SRBD1: variants seen among roughly 807,000 people sequenced by gnomAD.
SRBD1 encodes the protein S1 RNA-binding domain-containing protein 1.
In SRBD1, 88 loss-of-function variants were observed where a neutral mutation model predicts 115.3. The observed-to-expected ratio is 0.76, with a 90% CI of 0.64 to 0.91. SRBD1 has a LOEUF of 0.91. SRBD1 is among the 40% of genes least tolerant of loss of function. SRBD1 has a pLI of 0.00. For synonymous variants in SRBD1, 509 were observed against 407.7 expected (o/e 1.25, Z -2.99); for missense variants, 1,385 against 1,177.4 (o/e 1.18, Z -2.58).
intron 17 of SRBD1, among the ~76,000 whole-genome samples, chr2:45,418,864 T>A (rs1306504963): frequency 6.6e-5 from 10 of 152,202 alleles, no homozygotes; most frequent in African/African-American, 2.4e-4. Context: ...TGTTTCTGGA[T>A]AAAGTAATAA....
chr2:45,596,299 G>A (rs1413516031), intron 4 of SRBD1, among the ~76,000 whole-genome samples: 3 of 152,048 alleles, frequency 2.0e-5, no homozygotes, highest in African/African-American at 7.3e-5. Context: ...CCTTTCTCTT[G>A]GAATGTATTT....
intron 14 of SRBD1, among the ~76,000 whole-genome samples, chr2:45,530,086 T>A (rs1390304473): frequency 6.6e-6 from 1 of 151,980 alleles, no homozygotes; most frequent in African/African-American, 2.4e-5. Context: ...TCTTATGTAG[T>A]CCTAGATTGA....
chr2:45,414,676 G>A (rs1667726731), intron 18 of SRBD1, among the ~76,000 whole-genome samples: 1 of 149,376 alleles, frequency 6.7e-6, no homozygotes. Context: ...AGTGTATATA[G>A]TATGTATATA....
intron 16 of SRBD1, among the ~76,000 whole-genome samples, chr2:45,424,716 C>T (rs558096831): frequency 9.2e-5 from 14 of 151,948 alleles, no homozygotes; most frequent in Admixed American, 2.6e-4. Flanking sequence ...CTCGTCATGA[C>T]GAAGTAAAAT....
intron 10 of SRBD1, 82 bp downstream of exon 10, chr2:45,562,571 T>C (rs1672701961): frequency 9.1e-7 from 1 of 1,096,704 alleles, no homozygotes; most frequent in African/African-American, 1.6e-5. Context: ...AATAGACATC[T>C]TTACATATCA....
intron 14 of SRBD1, among the ~76,000 whole-genome samples, chr2:45,525,039 A>G (rs1671399554): frequency 6.6e-6 from 1 of 151,994 alleles, no homozygotes; most frequent in Non-Finnish European, 1.5e-5. Flanking sequence ...CAATGGGTAA[A>G]GAACAGTCTT....
At chr2:45,414,701 G>A (rs903345611) in intron 18 of SRBD1, among the ~76,000 whole-genome samples, 1 of 146,218 alleles carries the variant, frequency 6.8e-6, no homozygotes, top group Non-Finnish European at 1.5e-5. Flanking sequence ...CACACATAGT[G>A]TGTATATAGT....
chr2:45,395,337 C>T (rs1318827693), intron 19 of SRBD1, among the ~76,000 whole-genome samples: 4 of 152,136 alleles, frequency 2.6e-5, no homozygotes, highest in Non-Finnish European at 5.9e-5. Flanking sequence ...CTGTATGAGT[C>T]TATCTTAAGG....
At chr2:45,508,190 G>C (rs1489659375) in intron 14 of SRBD1, among the ~76,000 whole-genome samples, 1 of 152,116 alleles carries the variant, frequency 6.6e-6, no homozygotes, top group Non-Finnish European at 1.5e-5. Flanking sequence ...TTAGAAGAAA[G>C]CTAAAGCTGT....
Position 45,393,875 on chromosome 2 carries a change from A to G in SRBD1, c.2514-746T>C, listed in dbSNP as rs563094672. Among the ~76,000 whole-genome samples, 297 of 152,300 alleles carry G rather than the reference A, an allele frequency of 2.0e-3. 1 individual carries two copies. Among genetic ancestry groups the G allele is most frequent in the African/African-American group, 7.0e-3 (290 of 41,552 alleles). The stretch of plus-strand genomic sequence containing the variant: ...CAGCTTTTGAAAAATGAATTACTCT[A>G]TTCATGTGTCCTATCACTGCTTTTT... On this transcript the variant is annotated intron_variant, in intron 19 of 20. Transcript: ENST00000263736.
chr2:45,566,364 A>G (rs1311848243), intron 9 of SRBD1, among the ~76,000 whole-genome samples: 1 of 152,248 alleles, frequency 6.6e-6, no homozygotes, highest in African/African-American at 2.4e-5. Flanking sequence ...ATAATGTAAT[A>G]TTACGTAGCA....
At chr2:45,513,124 C>T (rs1671018324) in intron 14 of SRBD1, among the ~76,000 whole-genome samples, 1 of 152,152 alleles carries the variant, frequency 6.6e-6, no homozygotes, top group Non-Finnish European at 1.5e-5. Context: ...GAAACTCTTT[C>T]CTTCCTGGCC....
At chr2:45,433,208 G>A (rs1484248595) in intron 16 of SRBD1, among the ~76,000 whole-genome samples, 3 of 152,138 alleles carry the variant, frequency 2.0e-5, no homozygotes, top group Non-Finnish European at 4.4e-5. Flanking sequence ...AAGCTTTACA[G>A]GTGCTCGGTC....
chr2:45,516,968 T>C (rs532090623), intron 14 of SRBD1, among the ~76,000 whole-genome samples: 2 of 152,214 alleles, frequency 1.3e-5, no homozygotes, highest in Non-Finnish European at 2.9e-5. Context: ...CCTGCACCCA[T>C]GGAGCTTACA....
intron 19 of SRBD1, among the ~76,000 whole-genome samples, chr2:45,407,378 A>G (rs1034293419): frequency 1.3e-5 from 2 of 152,144 alleles, no homozygotes; most frequent in Non-Finnish European, 2.9e-5. Flanking sequence ...TTCTGCATAA[A>G]ACTTTACAAG....
chr2:45,585,672 C>G lies in SRBD1; in HGVS notation c.751G>C (p.Glu251Gln). ...TCAGCATCAAGGTTATTAATGAGCT[C>G]TTTTCTATAACGTATAATGAAGGGA... ...TIPFIIRYRKELINNLDADSL... is the reference protein window; with the variant it reads ...TIPFIIRYRKQLINNLDADSL... The change falls in exon 5 of 21, where the codon GAG becomes CAG. Residue 251 changes from glutamate (E) to glutamine (Q), a missense_variant. Coordinates refer to ENST00000263736, the MANE Select transcript of SRBD1 (RefSeq NM_018079.5). 6.2e-7 allele frequency: 1 copy of G among 1,612,550 alleles called. No individual in the cohort carries two copies. Among genetic ancestry groups the G allele is most frequent in the Non-Finnish European group, 8.5e-7 (1 of 1,179,632 alleles).
At position 45,391,811 on chromosome 2, in the gene SRBD1, T is replaced by C. The variant is rs140758169; in HGVS notation, c.2698+1134A>G. On this transcript the variant is annotated intron_variant, in intron 20 of 20. Transcript: ENST00000263736. The stretch of plus-strand genomic sequence containing the variant: ...TGGGATAATGGAACAATCGACACTA[T>C]GACAGAAAAATGAAGATGGATGTGA... 2.9e-4 allele frequency among the ~76,000 whole-genome samples: 44 copies of C among 152,242 alleles called. 1 individual carries two copies. The East Asian group carries it at 5.6e-3, about 19-fold the overall frequency.
chr2:45,398,956 T>C lies in SRBD1; in HGVS notation c.2514-5827A>G, dbSNP rs139562964. 5.7e-4 allele frequency among the ~76,000 whole-genome samples: 87 copies of C among 152,262 alleles called. 2 individuals carry two copies. In the East Asian group the frequency reaches 0.014, roughly 25 times the overall value. Reference sequence around the variant, plus strand: ...TGTACTGAAATGTTGCTATTATTGCTCCAAAGACATCTAAACTGTTGTAGG... The same window carrying C: ...TGTACTGAAATGTTGCTATTATTGCCCCAAAGACATCTAAACTGTTGTAGG... On this transcript the variant is annotated intron_variant, in intron 19 of 20. Transcript: ENST00000263736.
At chr2:45,522,768 C>T (rs535466284) in intron 14 of SRBD1, among the ~76,000 whole-genome samples, 1 of 152,136 alleles carries the variant, frequency 6.6e-6, no homozygotes, top group Non-Finnish European at 1.5e-5. Flanking sequence ...CTCTTTCTTA[C>T]AATTTTCTTA....
Sources: gnomAD v4.1 joint callset for allele counts (sites outside exome capture counted in the v4.1 genomes callset) on GRCh38, gnomAD v4.1.1 for gene constraint, MANE v1.5 for transcripts, NCBI Gene and HGNC (gene_info 2026-07-23, HGNC 2026-07-21) for gene names.